Variants in WDR4 observed in about 807,000 individuals in gnomAD.
WDR4 encodes the protein tRNA (guanine-N(7)-)-methyltransferase non-catalytic subunit WDR4.
In WDR4, 47 loss-of-function variants were observed where a neutral mutation model predicts 48.6. The ratio of observed to expected loss-of-function variants is 0.97; its 90% CI spans 0.77 to 1.23. The LOEUF (loss-of-function observed/expected upper bound fraction) is 1.23, where lower values mean the gene tolerates loss of function less well. Among genes scored for constraint, WDR4 ranks in the 50% most tolerant of loss-of-function variants. The pLI, the probability that WDR4 is intolerant of heterozygous loss-of-function variation, is 0.00. For missense variants in WDR4, 606 were observed against 551.6 expected (o/e 1.10, Z -0.99); for synonymous variants, 268 against 230.0 (o/e 1.17, Z -1.49).
chr21:42,879,642 G>T, upstream of WDR4: 18 of 1,007,840 alleles, frequency 1.8e-5, no homozygotes, highest in Middle Eastern at 2.2e-4. Flanking sequence ...CCTTGAGCAT[G>T]CGTGAAAGGT....
At chr21:42,848,406 G>A (rs1273864229), downstream of WDR4, among the ~76,000 whole-genome samples, 1 of 142,688 alleles carries the variant, frequency 7.0e-6, no homozygotes, top group Admixed American at 7.0e-5. Flanking sequence ...CGATCACGCG[G>A]CGCGCACCTC....
chr21:42,878,177 C>A (rs1274376357), intron 1 of WDR4, among the ~76,000 whole-genome samples: 2 of 152,152 alleles, frequency 1.3e-5, no homozygotes, highest in African/African-American at 4.8e-5. Context: ...TCCCATGACC[C>A]CAGGCACTTA....
intron 6 of WDR4, among the ~76,000 whole-genome samples, chr21:42,859,300 G>A (rs4920004): frequency 0.54 from 82,466 of 151,862 alleles, 23,306 homozygotes; most frequent in African/African-American, 0.7. Context: ...AATGCAGCCC[G>A]TAATGGGATG....
At position 42,862,742 on chromosome 21, in the gene WDR4, A is replaced by G. The variant is rs2058148654; in HGVS notation, c.454-348T>C. 8.7e-6 allele frequency among the ~76,000 whole-genome samples: 1 copy of G among 114,290 alleles called. No individual in the cohort carries two copies. The allele number at this position is 114,290 out of a possible 152,430, so 75.0% of individuals were successfully genotyped here. ...ACAGGCCTGCTGCACCCTCCTGCCC[A>G]ACACTGGGTTGCCTTCCTTGCCTTC... is the stretch of plus-strand genomic sequence containing the variant. On this transcript the variant is annotated intron_variant, in intron 4 of 10. Coordinates refer to ENST00000398208, the MANE Select transcript of WDR4 (RefSeq NM_018669.6). The surrounding 1 kb of genome is among the most constrained non-coding windows in gnomAD (Gnocchi z 4.3).
At position 42,873,024 on chromosome 21, in the gene WDR4, C is replaced by T. The variant is rs1305976406; in HGVS notation, c.296+527G>A. Among the ~76,000 whole-genome samples, 5 of 152,218 alleles carry T rather than the reference C, an allele frequency of 3.3e-5. No individual in the cohort carries two copies. In the South Asian group the frequency reaches 6.2e-4, roughly 19 times the overall value. ...GAGGGCAAGGCATAGCGATATCTCC[C>T]GTTCTTGCCAGAGTTACTGGCCTCC... On this transcript the variant is annotated intron_variant, in intron 3 of 10. Coordinates refer to ENST00000398208, the MANE Select transcript of WDR4 (RefSeq NM_018669.6).
At chr21:42,886,378 A>G in the WDR4 span, among the ~76,000 whole-genome samples, 1 of 110,674 alleles carries the variant, frequency 9.0e-6, no homozygotes, top group Non-Finnish European at 1.8e-5. Context: ...CAAAATTTTA[A>G]ATTTTATTTT....
intron 2 of WDR4, among the ~76,000 whole-genome samples, chr21:42,875,123 G>C (rs909862518): frequency 1.3e-5 from 2 of 152,122 alleles, no homozygotes; most frequent in African/African-American, 4.8e-5. Context: ...TGAAATATCG[G>C]GGGTGAATTT....
chr21:42,875,680 CG>C (rs1469997844), intron 2 of WDR4, among the ~76,000 whole-genome samples: 2 of 152,090 alleles, frequency 1.3e-5, no homozygotes, highest in Non-Finnish European at 2.9e-5. Context: ...GCACTCCAAC[CG>C]GGGTAACAGA....
chr21:42,874,036 C>T (rs186148019), intron 2 of WDR4, among the ~76,000 whole-genome samples: 8 of 152,206 alleles, frequency 5.3e-5, no homozygotes, highest in Admixed American at 5.2e-4. Flanking sequence ...TAATAACAGG[C>T]CAGGTATGGT....
chr21:42,853,188 A>G (rs982560179), intron 9 of WDR4, among the ~76,000 whole-genome samples: 28 of 152,022 alleles, frequency 1.8e-4, no homozygotes, highest in African/African-American at 6.8e-4. Context: ...GGGGCTCCAC[A>G]TGCTCCTGAG....
rs1397810459 is a variant in WDR4 at position 42,869,014 on chromosome 21, G to A, written c.296+4537C>T. Among the ~76,000 whole-genome samples the A allele has an allele frequency of 3.9e-5, 6 of 152,342 alleles. No individual in the cohort carries two copies. The Middle Eastern group carries it at 0.014, about 345-fold the overall frequency. Reference sequence around the variant, plus strand: ...TGTTGTCAACACTGCCCTGGCGGGGGGGAACAGGCTATAGGCTAGCACATG... The same window carrying A: ...TGTTGTCAACACTGCCCTGGCGGGGAGGAACAGGCTATAGGCTAGCACATG... On this transcript the variant is annotated intron_variant, in intron 3 of 10. Transcript: ENST00000398208.
In WDR4 at chr21:42,879,360, C is replaced by G. The variant is rs1021906963; in HGVS notation, c.89+47G>C. On this transcript the variant is annotated intron_variant, in intron 1 of 10. Transcript: ENST00000398208. ...GAAGCGGGGTCGCCAGGACCCGACG[C>G]GCGCCCGCAGCCTGGTCTCCCTGTT... 6 of 1,597,156 alleles carry G rather than the reference C, an allele frequency of 3.8e-6. No homozygotes were observed. The African/African-American group carries it at 6.7e-5, about 18-fold the overall frequency.
intron 1 of WDR4, among the ~76,000 whole-genome samples, chr21:42,877,640 T>C (rs1601189317): frequency 6.6e-6 from 1 of 152,264 alleles, no homozygotes; most frequent in East Asian, 1.9e-4. Flanking sequence ...TACGTCATAC[T>C]GCATAGTTCT....
Position 42,873,681 on chromosome 21 carries a change from G to A in WDR4, c.166C>T (p.Pro56Ser). ...ATCGCACCGCTCCCCTGGTCCAAGGGCGCGTCCTCCCTGAGGAAGAGAGGA... is the reference window on the plus strand; with the variant it reads ...ATCGCACCGCTCCCCTGGTCCAAGGACGCGTCCTCCCTGAGGAAGAGAGGA... The part of the protein sequence containing the change: ...KSQENKGEDA[P>S]LDQGSGAILA... The change falls in exon 3 of 11, where the codon CCC becomes TCC. Residue 56 changes from proline (P) to serine (S), a missense_variant. By Grantham distance (74) the Pro-to-Ser change is moderately conservative. Coordinates refer to ENST00000398208, the MANE Select transcript of WDR4 (RefSeq NM_018669.6). 1.2e-6 allele frequency: 2 copies of A among 1,613,910 alleles called. No individual in the cohort carries two copies. The highest frequency in any genetic ancestry group is 1.7e-6 in the Non-Finnish European group (2 of 1,179,908).
At chr21:42,844,908 A>T (rs1203759380), downstream of WDR4, among the ~76,000 whole-genome samples, 1 of 152,168 alleles carries the variant, frequency 6.6e-6, no homozygotes, top group Non-Finnish European at 1.5e-5. Flanking sequence ...AAGCAAGCAC[A>T]CTGGAACCAG....
At chr21:42,864,031 C>T (rs1199750706) in intron 3 of WDR4, among the ~76,000 whole-genome samples, 2 of 78,464 alleles carry the variant, frequency 2.5e-5, no homozygotes, top group Non-Finnish European at 4.7e-5. Flanking sequence ...GGCGTGAACC[C>T]GGGAGGCGGA....
At position 42,876,756 on chromosome 21, in the gene WDR4, C is replaced by A. The variant is rs1215182484; in HGVS notation, c.101G>T (p.Ser34Ile). The change falls in exon 2 of 11, where the codon AGC (serine) becomes ATC (isoleucine). Residue 34 changes from serine (S) to isoleucine (I), a missense_variant. Physicochemically the swap from Ser to Ile is moderately radical, Grantham distance 142 (BLOSUM62 -2). Transcript: ENST00000398208. ...AGCACTGCAGTCATAGATGAAGAGG[C>A]TGTCATCATCACTAAAGAGAAATAA... ...ATSIASSDDD[S>I]LFIYDCSAAE... The A allele has an allele frequency of 8.1e-6, 13 of 1,612,610 alleles. No homozygotes were observed. Among genetic ancestry groups the A allele is most frequent in the Non-Finnish European group, 1.1e-5 (13 of 1,179,432 alleles).
chr21:42,862,048 G>C lies in WDR4; in HGVS notation c.566+234C>G, dbSNP rs1013325704. On this transcript the variant is annotated intron_variant, in intron 5 of 10. Transcript: ENST00000398208. This position sits in a 1 kb window ranked among gnomAD's most constrained non-coding sequence, Gnocchi z 4.3. ...GAAACAAGCCCTTCCTGTTCGGTCA[G>C]GCCCAATGCCAAGTTACTGGCACAG... is the stretch of plus-strand genomic sequence containing the variant. 7.2e-5 allele frequency among the ~76,000 whole-genome samples: 11 copies of C among 152,290 alleles called. No homozygotes were observed. Among genetic ancestry groups the C allele is most frequent in the African/African-American group, 2.6e-4 (11 of 41,560 alleles).
intron 6 of WDR4, 69 bp downstream of exon 6, chr21:42,859,593 A>AGGC: frequency 1.8e-6 from 1 of 553,760 alleles, no homozygotes; most frequent in Non-Finnish European, 3.1e-6. Context: ...CAGGTCCAGG[A>AGGC]GGCGCCCACC....
Sources: gnomAD v4.1 joint callset for allele counts (sites outside exome capture counted in the v4.1 genomes callset) on GRCh38, gnomAD v4.1.1 for gene constraint, Gnocchi (gnomAD v3.1) non-coding constraint, MANE v1.5 for transcripts, NCBI Gene and HGNC (gene_info 2026-07-23, HGNC 2026-07-21) for gene names.